RASAL2: variants seen among roughly 807,000 people sequenced by gnomAD.
RASAL2 encodes RAS protein activator like 2.
Under a neutral mutation model 128.9 loss-of-function variants are expected in RASAL2, and 58 were observed. The ratio of observed to expected loss-of-function variants is 0.45; its 90% CI spans 0.36 to 0.56. The LOEUF is 0.56. Ranked by LOEUF, RASAL2 falls within the 20% of genes least tolerant of loss-of-function variation. The pLI, the probability that RASAL2 is intolerant of heterozygous loss-of-function variation, is 0.00. For synonymous variants in RASAL2, 561 were observed against 580.8 expected, an observed-to-expected ratio of 0.97 and a Z score of 0.49; for missense variants, 1,360 against 1,601.6, an observed-to-expected ratio of 0.85 and a Z score of 2.57.
chr1:178,306,052 T>G (rs114941489), intron 3 of RASAL2, among the ~76,000 whole-genome samples: 3,548 of 152,300 alleles, frequency 0.023, 66 homozygotes, highest in Middle Eastern at 0.058. Context: ...CATTCAGCAG[T>G]TTACAGTTAC....
chr1:178,288,539 C>G (rs374285616), intron 2 of RASAL2, among the ~76,000 whole-genome samples: 1 of 150,096 alleles, frequency 6.7e-6, no homozygotes, highest in Non-Finnish European at 1.5e-5. Flanking sequence ...CTTGCCTGTT[C>G]AAGGATATAT....
chr1:178,217,732 G>C (rs1663471460), intron 1 of RASAL2, among the ~76,000 whole-genome samples: 1 of 152,192 alleles, frequency 6.6e-6, no homozygotes, highest in South Asian at 2.1e-4. Flanking sequence ...TTGTTGAAGA[G>C]TCTTGCCTCA....
chr1:178,358,223 G>A (rs1268413859), intron 3 of RASAL2, among the ~76,000 whole-genome samples: 1 of 115,516 alleles, frequency 8.7e-6, no homozygotes, highest in South Asian at 3.3e-4. Flanking sequence ...GTGACAGAGT[G>A]AGACTCTGTC....
rs192447323 is a variant in RASAL2, at chr1:178,447,549, C to A, written c.1627+1887C>A. On this transcript the variant is annotated intron_variant, in intron 9 of 17. Transcript: ENST00000367649. ...ATTAGCCAGGCATGGTGGCGGGCAC[C>A]TGTAATCCCAGCTAAGGAGGCTGAG... Among the ~76,000 whole-genome samples, 298 of 151,358 alleles carry A rather than the reference C, an allele frequency of 2.0e-3. 1 individual carries two copies. Among genetic ancestry groups the A allele is most frequent in the Non-Finnish European group, 3.8e-3 (255 of 67,800 alleles).
At chr1:178,121,935 A>G (rs1659732329) in intron 1 of RASAL2, among the ~76,000 whole-genome samples, 1 of 151,772 alleles carries the variant, frequency 6.6e-6, no homozygotes, top group Non-Finnish European at 1.5e-5. Context: ...CACTGACATC[A>G]CCTCATTTTT....
chr1:178,227,894 G>C (rs1663853455), intron 1 of RASAL2, among the ~76,000 whole-genome samples: 1 of 152,074 alleles, frequency 6.6e-6, no homozygotes, highest in African/African-American at 2.4e-5. Context: ...TAATCCAGTG[G>C]TTCTAGTATC....
intron 3 of RASAL2, among the ~76,000 whole-genome samples, chr1:178,350,322 G>A (rs1466437197): frequency 6.6e-6 from 1 of 152,162 alleles, no homozygotes; most frequent in Non-Finnish European, 1.5e-5. Context: ...CTGGGTTCAA[G>A]CGATCCTCTC....
At chr1:178,122,922 G>A (rs1460905341) in intron 1 of RASAL2, 1 of 151,510 alleles carries the variant, frequency 6.6e-6, no homozygotes, top group Non-Finnish European at 1.5e-5. Flanking sequence ...TAGATGAGTT[G>A]ACCAGAGACT....
rs1171165448 is a variant in RASAL2, at chr1:178,312,860, A to G, written c.457+12742A>G. Among the ~76,000 whole-genome samples, 3 of 152,228 alleles carry G rather than the reference A, an allele frequency of 2.0e-5. No homozygotes were observed. The East Asian group carries it at 5.8e-4, about 29-fold the overall frequency. On this transcript the variant is annotated intron_variant, in intron 3 of 17. Coordinates refer to ENST00000367649, the MANE Select transcript of RASAL2 (RefSeq NM_170692.4). ...GAGAAACAAAAAAGTAGCTCAGGACAAAGAGAACACTTCTATAGCACTTTT... is the reference window on the plus strand; with the variant it reads ...GAGAAACAAAAAAGTAGCTCAGGACGAAGAGAACACTTCTATAGCACTTTT...
At chr1:178,310,300 ATAT>A (rs1392124256) in intron 3 of RASAL2, among the ~76,000 whole-genome samples, 1 of 152,188 alleles carries the variant, frequency 6.6e-6, no homozygotes, top group Non-Finnish European at 1.5e-5. Flanking sequence ...TTCAAAGCAA[ATAT>A]TATAACAGAA....
intron 1 of RASAL2, among the ~76,000 whole-genome samples, chr1:178,257,423 A>ATGTGTGTGTGTGTGTGTGTGTGTGTGTG (rs71108037): frequency 6.8e-6 from 1 of 147,150 alleles, no homozygotes; most frequent in Non-Finnish European, 1.5e-5. Flanking sequence ...GCTCAGGGAT[A>ATGTGTGTGTGTGTGTGTGTGTGTGTGTG]TGTGTGTGTG....
intron 3 of RASAL2, among the ~76,000 whole-genome samples, chr1:178,351,852 T>C (rs1670529183): frequency 6.6e-6 from 1 of 152,124 alleles, no homozygotes; most frequent in Admixed American, 6.5e-5. Context: ...GAGCAGCCAT[T>C]AGCCCTTTTC....
chr1:178,373,174 A>G (rs1001648528), intron 3 of RASAL2, among the ~76,000 whole-genome samples: 5 of 151,644 alleles, frequency 3.3e-5, no homozygotes, highest in Non-Finnish European at 7.4e-5. Flanking sequence ...GTCTTCTGCC[A>G]GTCCAAAAGT....
chr1:178,293,024 A>G (rs1199160760), intron 2 of RASAL2, among the ~76,000 whole-genome samples: 1 of 152,234 alleles, frequency 6.6e-6, no homozygotes, highest in African/African-American at 2.4e-5. Context: ...ATAGCTAAAA[A>G]TTAACTGGTA....
chr1:178,291,130 A>C (rs936559741), intron 2 of RASAL2, among the ~76,000 whole-genome samples: 1 of 152,202 alleles, frequency 6.6e-6, no homozygotes, highest in African/African-American at 2.4e-5. Flanking sequence ...GCTCATGAGG[A>C]GAAAAAGAAG....
At chr1:178,144,904 G>C (rs567039442) in intron 1 of RASAL2, among the ~76,000 whole-genome samples, 13 of 152,224 alleles carry the variant, frequency 8.5e-5, no homozygotes, top group African/African-American at 1.9e-4. Context: ...GAATAATTGC[G>C]TACTCATACA....
intron 1 of RASAL2, among the ~76,000 whole-genome samples, chr1:178,223,288 A>G (rs1663674330): frequency 6.6e-6 from 1 of 152,186 alleles, no homozygotes; most frequent in Admixed American, 6.5e-5. Context: ...CACAGCTGTG[A>G]TGGAGAGATG....
intron 5 of RASAL2, among the ~76,000 whole-genome samples, chr1:178,420,991 CAT>C (rs545438253): frequency 3.0e-3 from 462 of 152,240 alleles, no homozygotes; most frequent in Non-Finnish European, 5.1e-3. Flanking sequence ...ATGCTTCATA[CAT>C]GTTATCTTGT....
In RASAL2 at chr1:178,136,756, C is replaced by CAAAAA. The variant is rs397982072; in HGVS notation, c.202+42088_202+42092dup. ...TAGGTGACAAAGTGAGACTCTGTCT[C>CAAAAA]AAAAAAAAAAAAAAAAAAAAAAAAA... On this transcript the variant is annotated intron_variant, in intron 1 of 17. Coordinates refer to ENST00000367649, the MANE Select transcript of RASAL2 (RefSeq NM_170692.4). Among the ~76,000 whole-genome samples, 183 of 47,210 alleles carry CAAAAA rather than the reference C, an allele frequency of 3.9e-3. 8 individuals are homozygous for CAAAAA. Among genetic ancestry groups the CAAAAA allele is most frequent in the African/African-American group, 0.017 (164 of 9,800 alleles). The allele number at this position is 47,210 out of a possible 152,430, so 31.0% of individuals were successfully genotyped here. A position where few individuals can be genotyped will look rare whatever the true frequency, so the allele number is the denominator to read the frequency against.
Sources: allele counts gnomAD v4.1 joint callset (sites outside exome capture counted in the v4.1 genomes callset), GRCh38; gene constraint gnomAD v4.1.1; transcripts MANE v1.5; gene names NCBI Gene and HGNC (gene_info 2026-07-23, HGNC 2026-07-21).